The following ADARB2 variants were observed in gnomAD, a reference collection of about 807,000 sequenced individuals.
The protein encoded by ADARB2 is adenosine deaminase RNA specific B2 (inactive), also known as inactive double-stranded RNA-specific editase B2.
Under a neutral mutation model 62.2 loss-of-function variants are expected in ADARB2, and 25 were observed. The ratio of observed to expected loss-of-function variants is 0.40; its 90% CI spans 0.29 to 0.56. ADARB2 has a LOEUF of 0.56. Among genes scored for constraint, ADARB2 ranks in the 20% least tolerant of loss-of-function variants. The pLI is 0.43. For synonymous variants in ADARB2, 572 were observed against 500.8 expected, an observed-to-expected ratio of 1.14 and a Z score of -1.90; for missense variants, 1,071 against 1,077.4, an observed-to-expected ratio of 0.99 and a Z score of 0.08.
At chr10:1,353,815 C>G (rs1832168459) in intron 3 of ADARB2, among the ~76,000 whole-genome samples, 1 of 152,172 alleles carries the variant, frequency 6.6e-6, no homozygotes, top group Non-Finnish European at 1.5e-5. Flanking sequence ...TCAATACTGG[C>G]ACACTTAAAA....
At chr10:1,306,270 C>G (rs1283081701) in intron 3 of ADARB2, among the ~76,000 whole-genome samples, 3 of 150,978 alleles carry the variant, frequency 2.0e-5, no homozygotes, top group Non-Finnish European at 4.4e-5. Flanking sequence ...CAACAACAGA[C>G]AAACAGAGAG....
rs1589144295 is a variant in ADARB2, at chr10:1,182,918, G to A, written c.*275C>T. 2.5e-6 allele frequency: 1 copy of A among 400,348 alleles called. No homozygotes were observed. The highest frequency in any genetic ancestry group is 3.5e-5 in the South Asian group (1 of 28,434). The allele number at this position is 400,348 out of a possible 1,614,324, so 24.8% of individuals were successfully genotyped here. On this transcript the variant is annotated 3_prime_UTR_variant, in exon 10 of 10. Transcript: ENST00000381312. ...GCAGCTAAAACCCCTTTGCCTGAAT[G>A]GAGCCCCTCCCTCAGACTCCACAGG...
intron 4 of ADARB2, among the ~76,000 whole-genome samples, chr10:1,261,486 A>G (rs1001922964): frequency 4.0e-5 from 6 of 150,398 alleles, no homozygotes; most frequent in Admixed American, 1.3e-4. Flanking sequence ...AAAAGTGGGC[A>G]AAGGACATGA....
chr10:1,558,839 T>TGCTCCATCTAAACTCGAA (rs1832749665), intron 1 of ADARB2, among the ~76,000 whole-genome samples: 1 of 80,390 alleles, frequency 1.2e-5, no homozygotes. Flanking sequence ...GGTGCTCAGC[T>TGCTCCATCTAAACTCGAA]TGCCTTATTT....
At position 1,290,433 on chromosome 10, in the gene ADARB2, C is replaced by T. The variant is rs2131810435; in HGVS notation, c.1078-19364G>A. 1.3e-5 allele frequency: 2 copies of T among 152,386 alleles called. 1 individual carries two copies. The highest frequency in any genetic ancestry group is 4.1e-4 in the South Asian group (2 of 4,820). 9.4% of individuals were successfully genotyped at this position (152,386 alleles called of 1,614,324 possible). On this transcript the variant is annotated intron_variant, in intron 3 of 9. Coordinates refer to ENST00000381312, the MANE Select transcript of ADARB2 (RefSeq NM_018702.4). ...TCCCCAGGACCAGGTGTCCACACCC[C>T]CACTGCACGGATGAGACAATCAGCA...
chr10:1,726,239 T>C (rs1356684625), intron 1 of ADARB2, among the ~76,000 whole-genome samples: 1 of 152,176 alleles, frequency 6.6e-6, no homozygotes, highest in African/African-American at 2.4e-5. Flanking sequence ...GCTTACTTAG[T>C]GTGTATGAGA....
intron 6 of ADARB2, among the ~76,000 whole-genome samples, chr10:1,229,619 TGATA>T (rs1589158489): frequency 6.6e-6 from 1 of 152,240 alleles, no homozygotes; most frequent in East Asian, 1.9e-4. Context: ...ATAGTTATAT[TGATA>T]GATCTGATGC....
chr10:1,653,943 T>A (rs1460218941), intron 1 of ADARB2, among the ~76,000 whole-genome samples: 2 of 152,072 alleles, frequency 1.3e-5, no homozygotes, highest in African/African-American at 4.8e-5. Flanking sequence ...TCCGTGTGGC[T>A]GGGGGAGGGG....
At chr10:1,692,641 A>G (rs181975623) in intron 1 of ADARB2, among the ~76,000 whole-genome samples, 9 of 152,266 alleles carry the variant, frequency 5.9e-5, no homozygotes, top group African/African-American at 1.7e-4. Flanking sequence ...TACGTTCATA[A>G]TTAACTGGAC....
chr10:1,649,926 C>T (rs1417608685), intron 1 of ADARB2, among the ~76,000 whole-genome samples: 1 of 152,224 alleles, frequency 6.6e-6, no homozygotes, highest in Non-Finnish European at 1.5e-5. Flanking sequence ...GGAGTGGCTT[C>T]CTGAGGAGCG....
At chr10:1,565,496 A>G (rs969616909) in intron 1 of ADARB2, among the ~76,000 whole-genome samples, 1 of 152,172 alleles carries the variant, frequency 6.6e-6, no homozygotes, top group Non-Finnish European at 1.5e-5. Flanking sequence ...AAGTGTCCAC[A>G]AGAGGAGAAG....
chr10:1,528,145 T>A (rs1832172930), intron 1 of ADARB2, among the ~76,000 whole-genome samples: 1 of 152,216 alleles, frequency 6.6e-6, no homozygotes, highest in Non-Finnish European at 1.5e-5. Context: ...GTGGGCTACG[T>A]TCTCGCCAAT....
intron 1 of ADARB2, among the ~76,000 whole-genome samples, chr10:1,691,111 A>G (rs1293960718): frequency 6.6e-6 from 1 of 152,152 alleles, no homozygotes; most frequent in Non-Finnish European, 1.5e-5. Context: ...CCACCTTCAA[A>G]GAGGCAATTA....
chr10:1,436,871 A>C (rs1830840313), intron 1 of ADARB2, among the ~76,000 whole-genome samples: 5 of 152,200 alleles, frequency 3.3e-5, no homozygotes, highest in Admixed American at 3.3e-4. Flanking sequence ...AGGAATTCTT[A>C]TATTGCTTAC....
intron 3 of ADARB2, among the ~76,000 whole-genome samples, chr10:1,299,701 C>G (rs1380978513): frequency 6.6e-6 from 1 of 152,190 alleles, no homozygotes; most frequent in African/African-American, 2.4e-5. Flanking sequence ...TTTCATCCAT[C>G]AGACTAGGGA....
At chr10:1,342,442 A>G (rs1248092239) in intron 3 of ADARB2, among the ~76,000 whole-genome samples, 1 of 152,216 alleles carries the variant, frequency 6.6e-6, no homozygotes, top group Non-Finnish European at 1.5e-5. Context: ...TTCAGGGAAC[A>G]GTGACTCCTG....
intron 3 of ADARB2, among the ~76,000 whole-genome samples, chr10:1,280,714 GAGTGATGCTCTATGATATTCCTA>G (rs1831363076): frequency 2.7e-5 from 4 of 148,836 alleles, no homozygotes; most frequent in African/African-American, 7.5e-5. Flanking sequence ...TGATATTCCT[GAGTGATGCTCTATGATATTCCTA>G]AGTGATGCTC....
At chr10:1,428,373 G>A (rs1464925384) in intron 1 of ADARB2, among the ~76,000 whole-genome samples, 3 of 150,482 alleles carry the variant, frequency 2.0e-5, no homozygotes, top group Admixed American at 6.6e-5. Context: ...TGCAAGCTCC[G>A]CCTCCCAGGT....
chr10:1,440,817 T>A (rs1830896617), intron 1 of ADARB2, among the ~76,000 whole-genome samples: 2 of 152,042 alleles, frequency 1.3e-5, no homozygotes, highest in Admixed American at 6.5e-5. Flanking sequence ...TGAAATGGGG[T>A]CCTCAAGAGA....
Sources: gnomAD v4.1 joint callset for allele counts (sites outside exome capture counted in the v4.1 genomes callset) on GRCh38, gnomAD v4.1.1 for gene constraint, MANE v1.5 for transcripts, NCBI Gene and HGNC (gene_info 2026-07-23, HGNC 2026-07-21) for gene names.